SVEP1: variants seen among roughly 807,000 people sequenced by gnomAD.
SVEP1 encodes the protein sushi, von Willebrand factor type A, EGF and pentraxin domain-containing protein 1.
Under a neutral mutation model 367.3 loss-of-function variants are expected in SVEP1, and 164 were observed. That is an observed-to-expected ratio of 0.45 (90% confidence interval 0.39 to 0.51). The LOEUF (loss-of-function observed/expected upper bound fraction) is 0.51. Among genes scored for constraint, SVEP1 ranks in the 20% least tolerant of loss-of-function variants. SVEP1 has a pLI of 0.00. For missense variants in SVEP1, 4,117 were observed against 4,425.3 expected, an observed-to-expected ratio of 0.93 and a Z score of 1.98; for synonymous variants, 1,666 against 1,611.6, an observed-to-expected ratio of 1.03 and a Z score of -0.81.
intron 3 of SVEP1, among the ~76,000 whole-genome samples, chr9:110,528,381 C>T (rs2118810201): frequency 6.6e-6 from 1 of 151,504 alleles, no homozygotes; most frequent in East Asian, 1.9e-4. Context: ...GATAAATCTC[C>T]ATACTGTTTT....
intron 3 of SVEP1, among the ~76,000 whole-genome samples, chr9:110,528,150 GTGTGTGTATATATATATATATA>G (rs1316585858): frequency 9.4e-5 from 4 of 42,716 alleles, no homozygotes; most frequent in Non-Finnish European, 1.9e-4. Flanking sequence ...GTGTGTGTGT[GTGTGTGTATATATATATATATA>G]TATATATATA....
chr9:110,508,589 G>A (rs866882224), intron 5 of SVEP1, among the ~76,000 whole-genome samples: 46 of 151,610 alleles, frequency 3.0e-4, no homozygotes, highest in African/African-American at 1.1e-3. Flanking sequence ...GTGAAACCCC[G>A]TCTCTACTAA....
chr9:110,561,037 C>T (rs182612907), intron 1 of SVEP1, among the ~76,000 whole-genome samples: 1 of 152,258 alleles, frequency 6.6e-6, no homozygotes, highest in Admixed American at 6.5e-5. Context: ...CTTTTACTAT[C>T]TAGTGCTAAA....
At chr9:110,458,644 G>A in intron 19 of SVEP1, 82 bp from the exon 20 acceptor site, 17 of 1,361,666 alleles carry the variant, frequency 1.2e-5, no homozygotes, top group Non-Finnish European at 1.6e-5. Context: ...TCAAGATTCT[G>A]GTTGTCAGAG....
Position 110,430,293 on chromosome 9 carries a change from A to C in SVEP1, c.5511T>G (p.His1837Gln). The C allele has an allele frequency of 6.2e-7, 1 of 1,612,868 alleles. No homozygotes were observed. The highest frequency in any genetic ancestry group is 1.7e-4 in the Middle Eastern group (1 of 6,050). The change falls in exon 33 of 48, where the codon CAT (histidine) becomes CAG (glutamine). Residue 1837 changes from histidine to glutamine, a missense_variant. This residue lies in a region of SVEP1 where 2,174 missense variants were observed against 2,494.3 expected (regional missense o/e 0.87). Transcript: ENST00000374469. ...ACATACCTTTACAATATGGTATTAG[A>C]TGATTCCATTCTCCAGACTCCAAAC... ...ITCLESGEWN[H>Q]LIPYCKAVSC...
chr9:110,567,777 C>T (rs1830509349), intron 1 of SVEP1, among the ~76,000 whole-genome samples: 1 of 152,230 alleles, frequency 6.6e-6, no homozygotes, highest in Admixed American at 6.5e-5. Context: ...TTTCAAGCTG[C>T]CACAGAGGAC....
At chr9:110,458,801 T>C in intron 19 of SVEP1, 151 bp downstream of exon 19, 2 of 996,306 alleles carry the variant, frequency 2.0e-6, no homozygotes, top group Middle Eastern at 3.1e-4. Flanking sequence ...CTTTGTGTCA[T>C]GGTCATCAAA....
chr9:110,527,049 G>A (rs116046130), intron 3 of SVEP1, among the ~76,000 whole-genome samples: 238 of 152,224 alleles, frequency 1.6e-3, no homozygotes, highest in African/African-American at 5.5e-3. Context: ...GGGTTGGTGG[G>A]AAGTGACTGT....
chr9:110,448,168 C>CGT (rs1564145671), intron 24 of SVEP1, among the ~76,000 whole-genome samples: 1 of 58,716 alleles, frequency 1.7e-5, no homozygotes, highest in Non-Finnish European at 3.0e-5. Context: ...TGTGTGCGCG[C>CGT]GCTCGCGCGT....
At chr9:110,389,402 T>C in intron 41 of SVEP1, 122 bp downstream of exon 41, 1 of 1,157,262 alleles carries the variant, frequency 8.6e-7, no homozygotes, top group Non-Finnish European at 1.2e-6. Context: ...AAGGTTCTCA[T>C]ATGGCTTATG....
At chr9:110,449,430 G>A (rs78449300) in intron 24 of SVEP1, among the ~76,000 whole-genome samples, 2,895 of 152,246 alleles carry the variant, frequency 0.019, 36 homozygotes, top group Middle Eastern at 0.031. Context: ...ATTTTATCTG[G>A]TATAAAAACT....
At chr9:110,575,126 A>G (rs1830611862) in intron 1 of SVEP1, among the ~76,000 whole-genome samples, 1 of 152,218 alleles carries the variant, frequency 6.6e-6, no homozygotes, top group South Asian at 2.1e-4. Flanking sequence ...CAAAGGGAAG[A>G]TCAGCTAATA....
chr9:110,487,296 G>T (rs1829295340), intron 9 of SVEP1, among the ~76,000 whole-genome samples: 1 of 152,126 alleles, frequency 6.6e-6, no homozygotes, highest in African/African-American at 2.4e-5. Context: ...AAGTCTAGTA[G>T]TCACTCAAGT....
intron 24 of SVEP1, among the ~76,000 whole-genome samples, chr9:110,449,192 C>T (rs1828652225): frequency 6.6e-6 from 1 of 152,110 alleles, no homozygotes. Flanking sequence ...GTTTTTCAAA[C>T]TGTATTCTAC....
chr9:110,518,020 G>T (rs918793774), intron 3 of SVEP1, among the ~76,000 whole-genome samples: 1 of 152,042 alleles, frequency 6.6e-6, no homozygotes, highest in Non-Finnish European at 1.5e-5. Flanking sequence ...GTTTTACAAG[G>T]TATGTATTCA....
At chr9:110,465,072 T>C (rs1446989505) in intron 18 of SVEP1, among the ~76,000 whole-genome samples, 3 of 151,654 alleles carry the variant, frequency 2.0e-5, no homozygotes, top group African/African-American at 4.8e-5. Flanking sequence ...AAACCAGTGG[T>C]TCTCAATGTG....
intron 1 of SVEP1, among the ~76,000 whole-genome samples, chr9:110,565,457 C>T (rs1225811270): frequency 3.3e-5 from 5 of 152,234 alleles, no homozygotes; most frequent in Middle Eastern, 6.8e-3. Context: ...TAGATAAATA[C>T]AAAGGAAAGA....
intron 40 of SVEP1, among the ~76,000 whole-genome samples, chr9:110,394,255 T>G (rs954199342): frequency 6.6e-6 from 1 of 152,176 alleles, no homozygotes; most frequent in Non-Finnish European, 1.5e-5. Flanking sequence ...AGGGTCTGGA[T>G]TGGACCTCTA....
At chr9:110,482,310 T>C (rs1829204044) in intron 11 of SVEP1, 51 bp downstream of exon 11, 2 of 1,583,914 alleles carry the variant, frequency 1.3e-6, no homozygotes, top group Non-Finnish European at 1.7e-6. Context: ...ACTATAGCAA[T>C]GACATGTGTC....
Sources: gnomAD v4.1 joint callset for allele counts (sites outside exome capture counted in the v4.1 genomes callset) on GRCh38, gnomAD v4.1.1 for gene constraint, gnomAD v4.1.1 regional missense constraint, MANE v1.5 for transcripts, NCBI Gene and HGNC (gene_info 2026-07-23, HGNC 2026-07-21) for gene names.